ANO10: variants seen among roughly 807,000 people sequenced by gnomAD.
ANO10 encodes anoctamin-10.
ANO10 carries 77 observed loss-of-function variants against 74.7 expected under a neutral mutation model. The observed-to-expected ratio is 1.03, with a 90% CI of 0.86 to 1.25. The LOEUF is 1.25. Among genes scored for constraint, ANO10 ranks in the 50% most tolerant of loss-of-function variants. The pLI is 0.00. For synonymous variants in ANO10, 279 were observed against 284.9 expected, an observed-to-expected ratio of 0.98 and a Z score of 0.21; for missense variants, 721 against 778.1, an observed-to-expected ratio of 0.93 and a Z score of 0.87.
intron 7 of ANO10, among the ~76,000 whole-genome samples, chr3:43,569,429 A>T (rs2080570544): frequency 1.6e-5 from 2 of 128,980 alleles, no homozygotes; most frequent in South Asian, 5.8e-4. Context: ...TTGATGCAAA[A>T]ATCCTCAATA....
At chr3:43,529,517 T>C (rs899826882) in intron 11 of ANO10, among the ~76,000 whole-genome samples, 5 of 152,190 alleles carry the variant, frequency 3.3e-5, no homozygotes, top group African/African-American at 1.2e-4. Flanking sequence ...ACACGTTTCA[T>C]AGAACAAAGG....
chr3:43,608,109 G>A (rs1250032350), intron 1 of ANO10, among the ~76,000 whole-genome samples: 2 of 152,092 alleles, frequency 1.3e-5, no homozygotes, highest in Non-Finnish European at 2.9e-5. Context: ...ACAGATTTAA[G>A]AATCTCTATA....
intron 12 of ANO10, among the ~76,000 whole-genome samples, chr3:43,368,838 T>C (rs1213102640): frequency 1.3e-5 from 2 of 152,186 alleles, no homozygotes; most frequent in Non-Finnish European, 2.9e-5. Context: ...TGAGCCACTG[T>C]GTGCGGTAAA....
chr3:43,505,333 C>A (rs149039254), intron 11 of ANO10, among the ~76,000 whole-genome samples: 64 of 152,274 alleles, frequency 4.2e-4, no homozygotes, highest in Middle Eastern at 3.4e-3. Flanking sequence ...AAATAAGATT[C>A]AAATTAAAAT....
intron 7 of ANO10, among the ~76,000 whole-genome samples, chr3:43,567,958 C>A (rs1052370911): frequency 2.6e-4 from 40 of 152,012 alleles, no homozygotes; most frequent in Non-Finnish European, 4.7e-4. Flanking sequence ...GCAGAGACAC[C>A]CACAGGCTCA....
At chr3:43,581,637 T>C (rs571010467) in intron 4 of ANO10, among the ~76,000 whole-genome samples, 11 of 152,214 alleles carry the variant, frequency 7.2e-5, no homozygotes, top group African/African-American at 2.6e-4. Context: ...AAAATGAAAT[T>C]TGGCCAGGCA....
intron 1 of ANO10, among the ~76,000 whole-genome samples, chr3:43,611,083 C>G (rs1282648279): frequency 1.3e-5 from 2 of 152,160 alleles, no homozygotes; most frequent in Non-Finnish European, 2.9e-5. Context: ...AAGTACACGG[C>G]TAGGCTACAT....
intron 12 of ANO10, among the ~76,000 whole-genome samples, chr3:43,431,564 T>A (rs534651024): frequency 1.3e-5 from 2 of 152,130 alleles, no homozygotes; most frequent in African/African-American, 4.8e-5. Context: ...CGGTTTACCA[T>A]ATAGACACAC....
At chr3:43,566,573 T>A (rs61350026) in intron 7 of ANO10, among the ~76,000 whole-genome samples, 1 of 152,034 alleles carries the variant, frequency 6.6e-6, no homozygotes, top group East Asian at 1.9e-4. Flanking sequence ...CCAGCAGGGG[T>A]ACACTGACAC....
At chr3:43,367,819 G>A (rs1329814286) in intron 12 of ANO10, among the ~76,000 whole-genome samples, 1 of 152,136 alleles carries the variant, frequency 6.6e-6, no homozygotes, top group Non-Finnish European at 1.5e-5. Context: ...TGTGGAAGTT[G>A]GCTTCAAACA....
chr3:43,684,780 A>T (rs2084252349), intron 1 of ANO10, among the ~76,000 whole-genome samples: 2 of 152,208 alleles, frequency 1.3e-5, no homozygotes, highest in African/African-American at 4.8e-5. Flanking sequence ...TGTCCTTTGT[A>T]GGGACATGGA....
chr3:43,653,551 A>G (rs563134945), intron 1 of ANO10, among the ~76,000 whole-genome samples: 12 of 152,374 alleles, frequency 7.9e-5, no homozygotes, highest in African/African-American at 2.9e-4. Context: ...ACTTTGAATA[A>G]TCATCTTACT....
intron 4 of ANO10, among the ~76,000 whole-genome samples, chr3:43,597,405 A>G (rs945596007): frequency 2.0e-5 from 3 of 152,250 alleles, no homozygotes; most frequent in Non-Finnish European, 2.9e-5. Context: ...AATGTGGCAC[A>G]TATACACCAT....
chr3:43,380,634 CAAAT>C (rs1339082906), intron 12 of ANO10, among the ~76,000 whole-genome samples: 2 of 152,248 alleles, frequency 1.3e-5, no homozygotes, highest in East Asian at 3.9e-4. Flanking sequence ...TTCAGACAAA[CAAAT>C]GCTGAGAGAA....
chr3:43,584,204 T>C (rs1432300873), intron 4 of ANO10, among the ~76,000 whole-genome samples: 1 of 152,204 alleles, frequency 6.6e-6, no homozygotes, highest in Non-Finnish European at 1.5e-5. Flanking sequence ...TAATTCTCCA[T>C]GTTGCTTGTC....
chr3:43,605,752 C>T lies in ANO10; in HGVS notation c.101G>A (p.Trp34Ter). ...AQDVKEETKE[W>*]LKNRIIAKKK... ...TTTAGCTATAATTCTGTTTTTCAGC[C>T]ATTCTTTGGTTTCTTCTTTGACATC... The change falls in exon 2 of 13, where the codon TGG becomes TAG. Residue 34 changes from tryptophan (W) to a stop codon, truncating the protein, a stop_gained. Coordinates refer to ENST00000292246, the MANE Select transcript of ANO10 (RefSeq NM_018075.5). LOFTEE classifies it high-confidence loss of function. 6.2e-7 allele frequency: 1 copy of T among 1,613,592 alleles called. No homozygotes were observed. The highest frequency in any genetic ancestry group is 8.5e-7 in the Non-Finnish European group (1 of 1,179,734).
intron 11 of ANO10, among the ~76,000 whole-genome samples, chr3:43,487,738 A>T (rs2076553519): frequency 1.3e-5 from 2 of 150,876 alleles, no homozygotes; most frequent in Non-Finnish European, 3.0e-5. Flanking sequence ...AATTTTGTTG[A>T]TCCTTTCAAA....
intron 11 of ANO10, among the ~76,000 whole-genome samples, chr3:43,496,238 C>T (rs1422829914): frequency 1.3e-5 from 2 of 152,102 alleles, no homozygotes; most frequent in Non-Finnish European, 2.9e-5. Flanking sequence ...AGAATGCCTA[C>T]TGACAGGAGA....
At chr3:43,631,731 T>C (rs2083549235) in intron 1 of ANO10, among the ~76,000 whole-genome samples, 4 of 151,088 alleles carry the variant, frequency 2.6e-5, no homozygotes, top group African/African-American at 9.7e-5. Flanking sequence ...ACCCATTATT[T>C]TCTATGGCAA....
Sources: gnomAD v4.1 joint callset for allele counts (sites outside exome capture counted in the v4.1 genomes callset) on GRCh38, gnomAD v4.1.1 for gene constraint, MANE v1.5 for transcripts, NCBI Gene and HGNC (gene_info 2026-07-23, HGNC 2026-07-21) for gene names.